The following FAF1 variants were observed in gnomAD, a reference collection of about 807,000 sequenced individuals.
The protein encoded by FAF1 is Fas associated factor 1.
A neutral mutation model predicts 92.5 loss-of-function variants in FAF1; 25 were observed. That is an observed-to-expected ratio of 0.27 (90% CI 0.20 to 0.38). The LOEUF (loss-of-function observed/expected upper bound fraction) is 0.38, where lower values mean the gene tolerates loss of function less well. FAF1 is among the 10% of genes least tolerant of loss of function. The pLI is 1.00. For synonymous variants in FAF1, 234 were observed against 273.2 expected (o/e 0.86, Z 1.42); for missense variants, 636 against 793.3 (o/e 0.80, Z 2.38).
intron 13 of FAF1, 119 bp from the exon 14 acceptor site, chr1:50,539,847 CA>C: frequency 1.5e-6 from 1 of 670,420 alleles, no homozygotes. Flanking sequence ...TGCCTGATAT[CA>C]ATATGTAAAA....
In FAF1 at chr1:50,788,130, A is replaced by G. The variant is rs1661430085; in HGVS notation, c.237T>C (p.Ser79=). Residue 79 remains serine, a synonymous_variant, in exon 4 of 19, where the codon TCT becomes TCC. Coordinates refer to ENST00000396153, the MANE Select transcript of FAF1 (RefSeq NM_007051.3). ...TTACAGGTCGAAACGCTGAAGAAGA[A>G]GAGGAAGTAGGAGCTGAAGCTGGAT... ...ASHPASAPTS[S]SSSAFRPVMP... 2 of 1,614,176 alleles carry G rather than the reference A, an allele frequency of 1.2e-6. No individual in the cohort carries two copies.
At chr1:50,915,546 T>G (rs1200862283) in intron 1 of FAF1, among the ~76,000 whole-genome samples, 1 of 152,054 alleles carries the variant, frequency 6.6e-6, no homozygotes, top group Non-Finnish European at 1.5e-5. Context: ...ATAAGCTGAT[T>G]TGCCCTGAAG....
chr1:50,958,311 A>G lies in FAF1; in HGVS notation c.45+1456T>C, dbSNP rs1333841194. Reference sequence around the variant, plus strand: ...AACTGTAGATATATGCATATTCCTAATACCTGTATATCAGATTTCACTGGG... The same window carrying G: ...AACTGTAGATATATGCATATTCCTAGTACCTGTATATCAGATTTCACTGGG... On this transcript the variant is annotated intron_variant, in intron 1 of 18. Transcript: ENST00000396153. 5.9e-5 allele frequency among the ~76,000 whole-genome samples: 9 copies of G among 152,306 alleles called. No individual in the cohort carries two copies. The East Asian group carries it at 7.7e-4, about 13-fold the overall frequency.
At chr1:50,740,324 G>A (rs1375615318) in intron 5 of FAF1, among the ~76,000 whole-genome samples, 3 of 152,098 alleles carry the variant, frequency 2.0e-5, no homozygotes, top group Non-Finnish European at 4.4e-5. Context: ...CTTAAAAGGT[G>A]AAGGAAGCAA....
chr1:50,551,622 C>T (rs1649314285), intron 13 of FAF1, among the ~76,000 whole-genome samples: 1 of 152,114 alleles, frequency 6.6e-6, no homozygotes, highest in African/African-American at 2.4e-5. Context: ...ACATACTATT[C>T]CCAAAACTAA....
At chr1:50,660,930 T>C (rs1368969226) in intron 7 of FAF1, among the ~76,000 whole-genome samples, 1 of 152,146 alleles carries the variant, frequency 6.6e-6, no homozygotes, top group African/African-American at 2.4e-5. Context: ...CAAAATGTTA[T>C]TATTTCGTGA....
At chr1:50,717,976 A>G (rs557551164) in intron 6 of FAF1, among the ~76,000 whole-genome samples, 1 of 150,972 alleles carries the variant, frequency 6.6e-6, no homozygotes, top group South Asian at 2.1e-4. Flanking sequence ...TTTAACTTCA[A>G]AAATACAATC....
At chr1:50,921,798 A>C (rs1644965358) in intron 1 of FAF1, among the ~76,000 whole-genome samples, 1 of 152,098 alleles carries the variant, frequency 6.6e-6, no homozygotes, top group Non-Finnish European at 1.5e-5. Context: ...AAAAAATTTA[A>C]AGTATAAAAT....
At chr1:50,687,744 G>GA (rs79059619) in intron 7 of FAF1, among the ~76,000 whole-genome samples, 6,216 of 126,796 alleles carry the variant, frequency 0.049, 175 homozygotes, top group Non-Finnish European at 0.072. Context: ...CCATTTCAAA[G>GA]AAAAAAAAAA....
Position 50,924,142 on chromosome 1 carries a change from C to T in FAF1, c.45+35625G>A, listed in dbSNP as rs570807042. 3.4e-4 allele frequency among the ~76,000 whole-genome samples: 51 copies of T among 152,048 alleles called. 1 individual carries two copies. The highest frequency in any genetic ancestry group is 4.0e-4 in the Non-Finnish European group (27 of 68,018). ...AGGTCAAATCATTCTTGTTTGCAGA[C>T]GACATGATCTTACATATAGAAAACC... On this transcript the variant is annotated intron_variant, in intron 1 of 18. Coordinates refer to ENST00000396153, the MANE Select transcript of FAF1 (RefSeq NM_007051.3).
intron 18 of FAF1, chr1:50,452,218 TAAAAG>T: frequency 8.2e-7 from 1 of 1,219,540 alleles, no homozygotes. Flanking sequence ...TTCAAGCAAA[TAAAAG>T]AAAGTCCCGC....
At chr1:50,646,620 G>T (rs1654599279) in intron 8 of FAF1, among the ~76,000 whole-genome samples, 1 of 152,162 alleles carries the variant, frequency 6.6e-6, no homozygotes, top group Non-Finnish European at 1.5e-5. Flanking sequence ...CTTTCACTGA[G>T]AAGTCATTTT....
At chr1:50,691,110 T>C (rs1656902166) in intron 7 of FAF1, among the ~76,000 whole-genome samples, 2 of 152,252 alleles carry the variant, frequency 1.3e-5, no homozygotes, top group Admixed American at 1.3e-4. Flanking sequence ...CTGGGTCAGA[T>C]AGATGGTAAC....
At chr1:50,714,105 T>C (rs1569819912) in intron 6 of FAF1, among the ~76,000 whole-genome samples, 2 of 152,236 alleles carry the variant, frequency 1.3e-5, no homozygotes, top group Non-Finnish European at 2.9e-5. Context: ...GTTTGAATTT[T>C]AACTCAATGC....
At chr1:50,820,523 C>G (rs1644033997) in intron 2 of FAF1, among the ~76,000 whole-genome samples, 2 of 151,816 alleles carry the variant, frequency 1.3e-5, no homozygotes, top group Non-Finnish European at 2.9e-5. Context: ...CTTAAGATCT[C>G]CTCTCTTAGC....
At chr1:50,686,890 G>A (rs1026099640) in intron 7 of FAF1, among the ~76,000 whole-genome samples, 2 of 151,958 alleles carry the variant, frequency 1.3e-5, no homozygotes, top group African/African-American at 4.8e-5. Context: ...GTGCAGTGGC[G>A]CGATCTTGGC....
intron 8 of FAF1, among the ~76,000 whole-genome samples, chr1:50,651,383 A>G (rs1273080144): frequency 6.6e-6 from 1 of 152,318 alleles, no homozygotes; most frequent in East Asian, 1.9e-4. Flanking sequence ...TGCAACCTTT[A>G]CCACAATCTA....
At chr1:50,771,973 A>T (rs1460112441) in intron 4 of FAF1, among the ~76,000 whole-genome samples, 1 of 152,212 alleles carries the variant, frequency 6.6e-6, no homozygotes, top group Non-Finnish European at 1.5e-5. Flanking sequence ...TGCAAAAAAA[A>T]TTGACAGAAG....
chr1:50,611,557 C>T (rs751109913), intron 8 of FAF1, among the ~76,000 whole-genome samples: 22 of 152,194 alleles, frequency 1.4e-4, no homozygotes, highest in Admixed American at 3.9e-4. Flanking sequence ...ATAAGATGGT[C>T]TTTTACTCCA....
Sources: allele counts gnomAD v4.1 joint callset (sites outside exome capture counted in the v4.1 genomes callset), GRCh38; gene constraint gnomAD v4.1.1; transcripts MANE v1.5; gene names NCBI Gene and HGNC (gene_info 2026-07-23, HGNC 2026-07-21).